The following BPHL variants were observed in gnomAD, a reference collection of about 807,000 sequenced individuals.
The protein encoded by BPHL is biphenyl hydrolase like, also known as serine hydrolase BPHL.
BPHL carries 27 observed loss-of-function variants against 31.2 expected under a neutral mutation model. The ratio of observed to expected loss-of-function variants is 0.87; its 90% CI spans 0.64 to 1.19. The LOEUF is 1.19. Ranked by LOEUF, BPHL falls within the 50% of genes most tolerant of loss-of-function variation. BPHL has a pLI of 0.00. For missense variants in BPHL, 356 were observed against 375.7 expected (o/e 0.95, Z 0.43); for synonymous variants, 150 against 146.8 (o/e 1.02, Z -0.16).
chr6:3,131,371 C>T (rs1761862497), intron 4 of BPHL, among the ~76,000 whole-genome samples: 1 of 152,160 alleles, frequency 6.6e-6, no homozygotes, highest in African/African-American at 2.4e-5. Flanking sequence ...GTCCCAGATG[C>T]ATCCCTCGAG....
Position 3,152,625 on chromosome 6 carries a change from T to TTGC in BPHL, c.*54_*56dup. 6.5e-7 allele frequency: 1 copy of TTGC among 1,529,382 alleles called. No individual in the cohort carries two copies. The highest frequency in any genetic ancestry group is 9.0e-7 in the Non-Finnish European group (1 of 1,111,172). The allele number at this position is 1,529,382 out of a possible 1,614,324, so 94.7% of individuals were successfully genotyped here. On this transcript the variant is annotated 3_prime_UTR_variant, in exon 7 of 7. Transcript: ENST00000380379. Reference sequence around the variant, plus strand: ...TTCCTTCGTGTGGGGCTTGATCGTGTTGCTGCCTGTTAACATGATGCCTTT... The same window carrying TTGC: ...TTCCTTCGTGTGGGGCTTGATCGTGTTGCTGCTGCCTGTTAACATGATGCCTTT...
At chr6:3,123,619 C>T (rs368334360) in intron 1 of BPHL, 38 bp from the exon 2 acceptor site, 1 of 1,565,630 alleles carries the variant, frequency 6.4e-7, no homozygotes, top group South Asian at 1.1e-5. Context: ...TTCCCATCTC[C>T]CCTTTCCCCC....
chr6:3,121,864 G>A (rs75562886), intron 1 of BPHL, among the ~76,000 whole-genome samples: 2,804 of 152,216 alleles, frequency 0.018, 86 homozygotes, highest in African/African-American at 0.064. Flanking sequence ...CTGTTTCCAC[G>A]TTTGTTTCTT....
intron 3 of BPHL, 55 bp from the exon 4 acceptor site, chr6:3,128,990 C>G: frequency 6.2e-7 from 1 of 1,610,804 alleles, no homozygotes; most frequent in East Asian, 2.2e-5. Flanking sequence ...GATTCAGTTT[C>G]TTTTAACAGA....
intron 1 of BPHL, among the ~76,000 whole-genome samples, chr6:3,120,301 C>CCA (rs1761532432): frequency 6.6e-6 from 1 of 152,134 alleles, no homozygotes; most frequent in Non-Finnish European, 1.5e-5. Context: ...TCCCAAAGTG[C>CCA]TGGGATTACA....
rs951901626 is a variant in BPHL at position 3,119,258 on chromosome 6, A to G, written c.107+411A>G. On this transcript the variant is annotated intron_variant, in intron 1 of 6. Transcript: ENST00000380379. ...GAGTCCACACTAAGGGCATAAGGAC[A>G]ATAATCTCTTCTTTCTCTTATGTCA... The G allele has an allele frequency of 5.2e-6, 8 of 1,531,094 alleles. No individual in the cohort carries two copies. In the East Asian group the frequency reaches 7.4e-5, roughly 14 times the overall value. 94.8% of individuals were successfully genotyped at this position (1,531,094 alleles called of 1,614,324 possible). A position where few individuals can be genotyped will look rare whatever the true frequency, so the allele number is the denominator to read the frequency against.
intron 2 of BPHL, among the ~76,000 whole-genome samples, chr6:3,125,435 C>T (rs955577279): frequency 1.3e-5 from 2 of 152,160 alleles, no homozygotes; most frequent in Admixed American, 1.3e-4. Context: ...GTCCTATCCT[C>T]AGCACCCAGT....
At position 3,140,146 on chromosome 6, in the gene BPHL, G is replaced by T. The variant is rs530432505; in HGVS notation, c.665-240G>T. On this transcript the variant is annotated intron_variant, in intron 5 of 6. Coordinates refer to ENST00000380379, the MANE Select transcript of BPHL (RefSeq NM_004332.4). This position sits in a 1 kb window ranked among gnomAD's most constrained non-coding sequence, Gnocchi z 5.2. ...ATTTTATGCGAATTTAAATCAGGCT[G>T]CTTATTTACTAGTAGAACTCAGAAA... 2 of 524,568 alleles carry T rather than the reference G, an allele frequency of 3.8e-6. No individual in the cohort carries two copies. The highest frequency in any genetic ancestry group is 3.8e-5 in the African/African-American group (2 of 51,952). The allele number at this position is 524,568 out of a possible 1,614,324, so 32.5% of individuals were successfully genotyped here.
intron 4 of BPHL, among the ~76,000 whole-genome samples, chr6:3,135,744 C>T (rs1310299730): frequency 2.6e-5 from 4 of 152,056 alleles, no homozygotes; most frequent in Non-Finnish European, 2.9e-5. Context: ...TTTTTATTAA[C>T]TTTATAAAAA....
chr6:3,146,336 G>A (rs28656435), intron 6 of BPHL, among the ~76,000 whole-genome samples: 529 of 44,268 alleles, frequency 0.012, 9 homozygotes, highest in Non-Finnish European at 0.014. Flanking sequence ...CAGAGTGCTG[G>A]TTCGGGGTGG....
At chr6:3,146,114 A>T (rs1762343267) in intron 6 of BPHL, among the ~76,000 whole-genome samples, 1 of 41,766 alleles carries the variant, frequency 2.4e-5, no homozygotes, top group South Asian at 6.6e-4. Context: ...TTCCGGTTGG[A>T]GTGCTGGTTC....
At chr6:3,128,283 A>C (rs1761772281) in intron 3 of BPHL, among the ~76,000 whole-genome samples, 1 of 152,220 alleles carries the variant, frequency 6.6e-6, no homozygotes, top group Admixed American at 6.5e-5. Flanking sequence ...AGCTCCTGGC[A>C]CACAGGGAGA....
intron 4 of BPHL, among the ~76,000 whole-genome samples, chr6:3,129,563 C>T (rs1249827512): frequency 1.3e-5 from 2 of 152,076 alleles, no homozygotes; most frequent in Non-Finnish European, 2.9e-5. Flanking sequence ...AATCCCAGCA[C>T]TTTGGGAGCT....
chr6:3,118,692 G>A (rs991685228), upstream of BPHL: 19 of 1,220,206 alleles, frequency 1.6e-5, no homozygotes, highest in Non-Finnish European at 1.9e-5. Flanking sequence ...CGGGTACCGC[G>A]CTTGGTCTTA....
At chr6:3,127,429 C>A (rs1761749274) in intron 3 of BPHL, 21 bp downstream of exon 3, 1 of 1,530,134 alleles carries the variant, frequency 6.5e-7, no homozygotes, top group Admixed American at 1.9e-5. Flanking sequence ...GAGGGAAGGG[C>A]CAGGGGAGGA....
chr6:3,127,307 G>T lies in BPHL; in HGVS notation c.277G>T (p.Ala93Ser), dbSNP rs753610190. The T allele has an allele frequency of 4.4e-6, 7 of 1,606,936 alleles. No homozygotes were observed. The highest frequency in any genetic ancestry group is 4.3e-6 in the Non-Finnish European group (5 of 1,175,932). The change falls in exon 3 of 7, where the codon GCC (alanine) becomes TCC (serine). Residue 93 changes from alanine to serine, a missense_variant. Coordinates refer to ENST00000380379, the MANE Select transcript of BPHL (RefSeq NM_004332.4). ...CAATAAGAAGCTCTTCACGGTGGTC[G>T]CCTGGGATCCTCGAGGCTATGGACA... ...NLNKKLFTVV[A>S]WDPRGYGHSR...
At chr6:3,118,659 C>A, upstream of BPHL, 1 of 981,984 alleles carries the variant, frequency 1.0e-6, no homozygotes, top group African/African-American at 1.7e-5. Flanking sequence ...GAGCAGAGGG[C>A]GTGGCTTCGG....
In BPHL at chr6:3,127,357, C is replaced by T. The variant is rs2113751020; in HGVS notation, c.327C>T (p.Phe109=). 1 of 1,606,626 alleles carries T rather than the reference C, an allele frequency of 6.2e-7. No individual in the cohort carries two copies. Among genetic ancestry groups the T allele is most frequent in the East Asian group, 2.2e-5 (1 of 44,738 alleles). ...ATTCCAGGCCCCCAGATCGCGATTT[C>T]CCAGCAGACTTTTTTGAAAGGGATG... ...YGHSRPPDRD[F]PADFFERDAK... is the part of the protein sequence containing the mutation. Residue 109 remains phenylalanine, a synonymous_variant, in exon 3 of 7, where the codon TTC becomes TTT. Coordinates refer to ENST00000380379, the MANE Select transcript of BPHL (RefSeq NM_004332.4).
In BPHL at chr6:3,137,451, A is replaced by G. The variant is rs771335378; in HGVS notation, c.622A>G (p.Lys208Glu). ...GYDYFARTCE[K>E]WVDGIRQFKH... ...TGACTACTTTGCCAGAACCTGTGAA[A>G]AGTGGGTGGATGGCATAAGACAGTT... is the stretch of plus-strand genomic sequence containing the variant. Residue 208 changes from lysine to glutamate, a missense_variant, in exon 5 of 7, where the codon AAG becomes GAG. By Grantham distance (56) the Lys-to-Glu change is moderately conservative (BLOSUM62 1). Coordinates refer to ENST00000380379, the MANE Select transcript of BPHL (RefSeq NM_004332.4). 3 of 1,613,422 alleles carry G rather than the reference A, an allele frequency of 1.9e-6. No individual in the cohort carries two copies. In the Admixed American group the frequency reaches 5.0e-5, roughly 27 times the overall value.
Sources: allele counts gnomAD v4.1 joint callset (sites outside exome capture counted in the v4.1 genomes callset), GRCh38; gene constraint gnomAD v4.1.1; non-coding constraint Gnocchi (gnomAD v3.1); transcripts MANE v1.5; gene names NCBI Gene and HGNC (gene_info 2026-07-23, HGNC 2026-07-21).